The following SNX18 variants were observed in gnomAD, a reference collection of about 807,000 sequenced individuals.
SNX18 encodes sorting nexin-18.
A neutral mutation model predicts 48.7 loss-of-function variants in SNX18; 35 were observed. The observed-to-expected ratio is 0.72, with a 90% confidence interval of 0.55 to 0.95. The LOEUF (loss-of-function observed/expected upper bound fraction) is 0.95, where lower values mean the gene tolerates loss of function less well. Among genes scored for constraint, SNX18 ranks in the 40% least tolerant of loss-of-function variants. SNX18 has a pLI of 0.00. For missense variants in SNX18, 824 were observed against 871.0 expected, an observed-to-expected ratio of 0.95 and a Z score of 0.68; for synonymous variants, 492 against 384.7, an observed-to-expected ratio of 1.28 and a Z score of -3.26.
intron 1 of SNX18, among the ~76,000 whole-genome samples, chr5:54,526,001 T>A (rs1762125359): frequency 6.6e-6 from 1 of 152,212 alleles, no homozygotes; most frequent in South Asian, 2.1e-4. Flanking sequence ...ATACCTGGCC[T>A]GCTGCTGCCT....
At chr5:54,592,344 A>G in the SNX18 span, among the ~76,000 whole-genome samples, 1 of 152,166 alleles carries the variant, frequency 6.6e-6, no homozygotes, top group Non-Finnish European at 1.5e-5. Context: ...CAGAGGTGCC[A>G]GGAATTCTTC....
At chr5:54,643,923 T>G in the SNX18 span, 1 of 152,228 alleles carries the variant, frequency 6.6e-6, no homozygotes, top group Non-Finnish European at 1.5e-5. Context: ...AAAACGTGAG[T>G]GCTCAGGCCG....
chr5:54,621,643 C>A, the SNX18 span, among the ~76,000 whole-genome samples: 2 of 152,170 alleles, frequency 1.3e-5, no homozygotes, highest in Non-Finnish European at 2.9e-5. Flanking sequence ...AACAACGTTA[C>A]TGTTCACATT....
chr5:54,528,706 CAGA>C (rs376021686), intron 1 of SNX18, among the ~76,000 whole-genome samples: 190 of 152,228 alleles, frequency 1.2e-3, no homozygotes, highest in African/African-American at 4.4e-3. Flanking sequence ...TGAAGTAGGA[CAGA>C]AGGAGGAGTA....
chr5:54,582,043 A>G, the SNX18 span, among the ~76,000 whole-genome samples: 2 of 152,208 alleles, frequency 1.3e-5, no homozygotes, highest in Admixed American at 6.5e-5. Context: ...CAAGTTGTCC[A>G]TGAGAATTCG....
chr5:54,517,908 C>A lies in SNX18; in HGVS notation c.-45C>A. On this transcript the variant is annotated 5_prime_UTR_variant, in exon 1 of 2. Transcript: ENST00000381410. ...CGCGGGCCCCTCAGGTGGGCCTCGG[C>A]TCGGGACGCCGGGAGTCGGGACCGC... is the stretch of plus-strand genomic sequence containing the variant. 1 of 1,467,290 alleles carries A rather than the reference C, an allele frequency of 6.8e-7. No homozygotes were observed. The highest frequency in any genetic ancestry group is 9.0e-7 in the Non-Finnish European group (1 of 1,115,838). 90.9% of individuals were successfully genotyped at this position (1,467,290 alleles called of 1,614,324 possible).
At chr5:54,523,855 C>A (rs1167726386) in intron 1 of SNX18, among the ~76,000 whole-genome samples, 1 of 152,180 alleles carries the variant, frequency 6.6e-6, no homozygotes, top group African/African-American at 2.4e-5. Context: ...CAAGGTAAGG[C>A]TGGGCCACAC....
chr5:54,548,057 G>C (rs1474662526), downstream of SNX18, among the ~76,000 whole-genome samples: 1 of 152,180 alleles, frequency 6.6e-6, no homozygotes, highest in Non-Finnish European at 1.5e-5. Context: ...GGTGGGGGAA[G>C]TTAATCTGGG....
chr5:54,571,497 G>A, the SNX18 span, among the ~76,000 whole-genome samples: 6 of 152,168 alleles, frequency 3.9e-5, no homozygotes, highest in Non-Finnish European at 7.3e-5. Context: ...ATTGTTCTCT[G>A]AAGTCTTCGT....
chr5:54,643,101 G>A, the SNX18 span, among the ~76,000 whole-genome samples: 7 of 152,172 alleles, frequency 4.6e-5, no homozygotes, highest in South Asian at 6.2e-4. Flanking sequence ...AGGGAGGGGG[G>A]ATAACAAGGC....
chr5:54,617,103 G>C, the SNX18 span, among the ~76,000 whole-genome samples: 15 of 152,126 alleles, frequency 9.9e-5, no homozygotes. Flanking sequence ...TTCGTCAAAG[G>C]CCCCTTCAAA....
Position 54,519,257 on chromosome 5 carries a change from C to A in SNX18, c.1305C>A (p.Thr435=). ...ESKIDGFKCF[T]KKMDDSALQL... is the part of the protein sequence containing the mutation. Reference sequence around the variant, plus strand: ...AGATCGACGGCTTCAAGTGCTTCACCAAGAAGATGGACGACAGCGCGCTGC... The same window carrying A: ...AGATCGACGGCTTCAAGTGCTTCACAAAGAAGATGGACGACAGCGCGCTGC... The change falls in exon 1 of 2, where the codon ACC becomes ACA. Residue 435 remains threonine, a synonymous_variant. Coordinates refer to ENST00000381410, the MANE Select transcript of SNX18 (RefSeq NM_001102575.2). 1.2e-6 allele frequency: 2 copies of A among 1,614,118 alleles called. No individual in the cohort carries two copies. Among genetic ancestry groups the A allele is most frequent in the Non-Finnish European group, 1.7e-6 (2 of 1,180,008 alleles).
the SNX18 span, among the ~76,000 whole-genome samples, chr5:54,592,284 T>C: frequency 6.6e-6 from 1 of 151,970 alleles, no homozygotes; most frequent in African/African-American, 2.4e-5. Flanking sequence ...CTTTTCTTCA[T>C]CTCACCTGAG....
the SNX18 span, among the ~76,000 whole-genome samples, chr5:54,600,244 A>G: frequency 1.8e-3 from 268 of 152,358 alleles, 1 homozygote; most frequent in African/African-American, 6.3e-3. Context: ...ATCACCAATC[A>G]TTAGAGAAAT....
At chr5:54,551,033 A>G (rs1762648786), downstream of SNX18, among the ~76,000 whole-genome samples, 1 of 151,888 alleles carries the variant, frequency 6.6e-6, no homozygotes, top group Admixed American at 6.6e-5. Flanking sequence ...TGTATTTCCT[A>G]TTTTAAAAAT....
Position 54,543,632 on chromosome 5 carries a change from T to C in SNX18, c.*200T>C, listed in dbSNP as rs1290794340. The stretch of plus-strand genomic sequence containing the variant: ...TATATAATAGAAACAGTACCACACA[T>C]TGTAACTAAATTATACTATGTATGC... On this transcript the variant is annotated 3_prime_UTR_variant, in exon 2 of 2. Transcript: ENST00000381410. The C allele has an allele frequency of 6.8e-6, 4 of 591,376 alleles. No homozygotes were observed. The Admixed American group carries it at 9.7e-5, about 14-fold the overall frequency. 36.6% of individuals were successfully genotyped at this position (591,376 alleles called of 1,614,324 possible).
chr5:54,535,347 T>G (rs1382921100), intron 1 of SNX18, among the ~76,000 whole-genome samples: 1 of 152,222 alleles, frequency 6.6e-6, no homozygotes, highest in African/African-American at 2.4e-5. Context: ...TACCTTTCTC[T>G]GAGCTTGGGA....
chr5:54,566,562 T>A, the SNX18 span, among the ~76,000 whole-genome samples: 4 of 152,230 alleles, frequency 2.6e-5, no homozygotes, highest in Non-Finnish European at 5.9e-5. Context: ...TATAGTGACT[T>A]ATGGAAGTTT....
chr5:54,593,026 C>T, the SNX18 span, among the ~76,000 whole-genome samples: 6 of 152,250 alleles, frequency 3.9e-5, no homozygotes, highest in African/African-American at 7.2e-5. Flanking sequence ...GTCTCAAACC[C>T]CTGACCTCAT....
Sources: allele counts gnomAD v4.1 joint callset (sites outside exome capture counted in the v4.1 genomes callset), GRCh38; gene constraint gnomAD v4.1.1; transcripts MANE v1.5; gene names NCBI Gene and HGNC (gene_info 2026-07-23, HGNC 2026-07-21).